Variants in ARHGAP39 observed in about 807,000 individuals in gnomAD.
ARHGAP39 encodes rho GTPase-activating protein 39.
Under a neutral mutation model 106.9 loss-of-function variants are expected in ARHGAP39, and 44 were observed. The ratio of observed to expected loss-of-function variants is 0.41; its 90% CI spans 0.32 to 0.53. The LOEUF is 0.53. Among genes scored for constraint, ARHGAP39 ranks in the 20% least tolerant of loss-of-function variants. The probability of loss-of-function intolerance (pLI) is 0.21; values close to 1 mark genes in which losing one functional copy is unlikely to be tolerated. For synonymous variants in ARHGAP39, 768 were observed against 693.2 expected (o/e 1.11, Z -1.69); for missense variants, 1,496 against 1,577.3 (o/e 0.95, Z 0.87).
At chr8:144,556,901 A>G (rs1413014536) in intron 3 of ARHGAP39, among the ~76,000 whole-genome samples, 9 of 123,814 alleles carry the variant, frequency 7.3e-5, no homozygotes, top group Admixed American at 3.7e-4. Context: ...CATAGTATTC[A>G]GAGGCAAAAG....
At chr8:144,576,807 G>C (rs1210996108) in intron 3 of ARHGAP39, among the ~76,000 whole-genome samples, 1 of 152,122 alleles carries the variant, frequency 6.6e-6, no homozygotes, top group Non-Finnish European at 1.5e-5. Context: ...AAGTCCGCTC[G>C]TCCGCTTGTT....
At chr8:144,543,101 T>C (rs1230542224) in intron 6 of ARHGAP39, among the ~76,000 whole-genome samples, 2 of 152,004 alleles carry the variant, frequency 1.3e-5, no homozygotes, top group African/African-American at 4.8e-5. Context: ...TCCCAAGTAG[T>C]TGGGACCACA....
At chr8:144,613,460 G>A (rs1820546170) in intron 1 of ARHGAP39, among the ~76,000 whole-genome samples, 1 of 150,938 alleles carries the variant, frequency 6.6e-6, no homozygotes. Context: ...TCACTTAAAA[G>A]ATATTTAGGT....
chr8:144,613,079 T>C (rs1457660447), intron 1 of ARHGAP39, among the ~76,000 whole-genome samples: 1 of 152,266 alleles, frequency 6.6e-6, no homozygotes, highest in Non-Finnish European at 1.5e-5. Context: ...AACATACATC[T>C]TTACTTTGTC....
At chr8:144,596,532 G>A (rs1192231070) in intron 2 of ARHGAP39, among the ~76,000 whole-genome samples, 2 of 152,234 alleles carry the variant, frequency 1.3e-5, no homozygotes, top group Non-Finnish European at 2.9e-5. Context: ...AGCATTGAAG[G>A]ACATTCACTC....
At chr8:144,668,385 G>A (rs1161158465) in intron 1 of ARHGAP39, among the ~76,000 whole-genome samples, 1 of 152,202 alleles carries the variant, frequency 6.6e-6, no homozygotes, top group Admixed American at 6.5e-5. Context: ...AGGCTGCAGT[G>A]AGTCAAAATC....
At chr8:144,552,263 G>A (rs1381719106) in intron 4 of ARHGAP39, among the ~76,000 whole-genome samples, 1 of 152,244 alleles carries the variant, frequency 6.6e-6, no homozygotes, top group Non-Finnish European at 1.5e-5. Context: ...AGGAAGAATT[G>A]GAAGCGCTGC....
chr8:144,534,152 C>A lies in ARHGAP39; in HGVS notation c.2665G>T (p.Ala889Ser). ...AKYCYHKLQK[A>S]ALTGAKKGLK... Reference sequence around the variant, plus strand: ...ACCTTCTTGGCCCCGGTCAGGGCTGCCTTCTGTAGCTTGTGGTAACAGTAC... The same window carrying A: ...ACCTTCTTGGCCCCGGTCAGGGCTGACTTCTGTAGCTTGTGGTAACAGTAC... Residue 889 changes from alanine (A) to serine (S), a missense_variant, in exon 8 of 12, where the codon GCA becomes TCA. Ala to Ser is a moderately conservative substitution (Grantham distance 99). Transcript: ENST00000377307. 1 of 1,613,324 alleles carries A rather than the reference C, an allele frequency of 6.2e-7. No homozygotes were observed. Among genetic ancestry groups the A allele is most frequent in the Middle Eastern group, 1.7e-4 (1 of 6,058 alleles).
chr8:144,614,040 A>G (rs1467497480), intron 1 of ARHGAP39, among the ~76,000 whole-genome samples: 1 of 152,218 alleles, frequency 6.6e-6, no homozygotes, highest in African/African-American at 2.4e-5. Context: ...TCTACCATTA[A>G]TCCCATCCAG....
chr8:144,592,650 G>A (rs1215592512), intron 2 of ARHGAP39, among the ~76,000 whole-genome samples: 3 of 148,136 alleles, frequency 2.0e-5, no homozygotes, highest in Non-Finnish European at 4.5e-5. Context: ...CAGACCCTCG[G>A]GAAACCTGAG....
chr8:144,593,729 G>A (rs908349968), intron 2 of ARHGAP39, among the ~76,000 whole-genome samples: 8 of 152,142 alleles, frequency 5.3e-5, no homozygotes, highest in African/African-American at 1.9e-4. Context: ...GGGAGGTGGA[G>A]ACTGCAGTGA....
In ARHGAP39 at chr8:144,604,411, G is replaced by A. The variant is rs755641044; in HGVS notation, c.80+1124C>T. On this transcript the variant is annotated intron_variant, in intron 2 of 11. Coordinates refer to ENST00000377307, the MANE Select transcript of ARHGAP39 (RefSeq NM_025251.3). This position sits in a 1 kb window ranked among gnomAD's most constrained non-coding sequence, Gnocchi z 4.1. Reference sequence around the variant, plus strand: ...ATTTACTGTGACACGGGGGTCTCACGCAGTCGCTCAGGCCAGAGTGCAGTG... The same window carrying A: ...ATTTACTGTGACACGGGGGTCTCACACAGTCGCTCAGGCCAGAGTGCAGTG... Among the ~76,000 whole-genome samples the A allele has an allele frequency of 1.2e-4, 19 of 152,210 alleles. No individual in the cohort carries two copies. Among genetic ancestry groups the A allele is most frequent in the Middle Eastern group, 3.4e-3 (1 of 292 alleles).
chr8:144,544,999 G>A (rs971837966), intron 6 of ARHGAP39, among the ~76,000 whole-genome samples: 6 of 152,248 alleles, frequency 3.9e-5, no homozygotes, highest in Non-Finnish European at 7.3e-5. Context: ...GAGTGGATGC[G>A]GCCATTGAGG....
At chr8:144,686,629 T>A (rs1822596269), upstream of ARHGAP39, among the ~76,000 whole-genome samples, 1 of 152,150 alleles carries the variant, frequency 6.6e-6, no homozygotes, top group Non-Finnish European at 1.5e-5. Flanking sequence ...TGCAGCTCAG[T>A]CGCCTTGCAG....
intron 1 of ARHGAP39, among the ~76,000 whole-genome samples, chr8:144,637,487 G>A (rs1447643815): frequency 6.6e-6 from 1 of 152,136 alleles, no homozygotes; most frequent in African/African-American, 2.4e-5. Context: ...GCGGGTGCCT[G>A]TAATCCCAGC....
intron 6 of ARHGAP39, 21 bp downstream of exon 6, chr8:144,545,228 A>G: frequency 6.7e-7 from 1 of 1,488,934 alleles, no homozygotes; most frequent in Non-Finnish European, 9.0e-7. Flanking sequence ...AGCTGGTGGC[A>G]AAGCCCGTGC....
chr8:144,676,660 A>G (rs962584593), intron 1 of ARHGAP39, among the ~76,000 whole-genome samples: 1 of 152,226 alleles, frequency 6.6e-6, no homozygotes, highest in African/African-American at 2.4e-5. Context: ...CACGGCACCT[A>G]GCCCGGGCAC....
intron 1 of ARHGAP39, among the ~76,000 whole-genome samples, chr8:144,662,654 ACTC>A (rs1474824624): frequency 2.0e-5 from 2 of 100,866 alleles, no homozygotes; most frequent in Non-Finnish European, 4.0e-5. Context: ...ACCTTGGATC[ACTC>A]CTCCTCCCCA....
intron 3 of ARHGAP39, among the ~76,000 whole-genome samples, chr8:144,569,670 A>C (rs1224009812): frequency 6.6e-6 from 1 of 152,182 alleles, no homozygotes; most frequent in Non-Finnish European, 1.5e-5. Flanking sequence ...GGGCAAGGAG[A>C]CTTCTGGCAC....
Sources: gnomAD v4.1 joint callset for allele counts (sites outside exome capture counted in the v4.1 genomes callset) on GRCh38, gnomAD v4.1.1 for gene constraint, Gnocchi (gnomAD v3.1) non-coding constraint, MANE v1.5 for transcripts, NCBI Gene and HGNC (gene_info 2026-07-23, HGNC 2026-07-21) for gene names.